CYB5RL: variants seen among roughly 807,000 people sequenced by gnomAD.
CYB5RL encodes the protein cytochrome b5 reductase like, also known as NADH-cytochrome b5 reductase-like.
In CYB5RL, 38 loss-of-function variants were observed where a neutral mutation model predicts 37.5. The observed-to-expected ratio is 1.01, with a 90% CI of 0.78 to 1.33. The LOEUF is 1.33. CYB5RL is among the 40% of genes most tolerant of loss of function. CYB5RL has a pLI of 0.00. For missense variants in CYB5RL, 388 were observed against 394.4 expected, an observed-to-expected ratio of 0.98 and a Z score of 0.14; for synonymous variants, 141 against 151.9, an observed-to-expected ratio of 0.93 and a Z score of 0.53.
chr1:54,176,889 C>T (rs918107692), intron 7 of CYB5RL, among the ~76,000 whole-genome samples: 8 of 152,096 alleles, frequency 5.3e-5, no homozygotes, highest in African/African-American at 1.9e-4. Context: ...GGAAAGCTTC[C>T]AGGATGGACT....
At chr1:54,178,963 G>A (rs1570099875) in intron 7 of CYB5RL, among the ~76,000 whole-genome samples, 186 bp downstream of exon 7, 1 of 152,218 alleles carries the variant, frequency 6.6e-6, no homozygotes, top group South Asian at 2.1e-4. Flanking sequence ...CCCACTGAAT[G>A]TGCATCTCCT....
At position 54,183,889 on chromosome 1, in the gene CYB5RL, C is replaced by A. The variant is rs942891901; in HGVS notation, c.540+272G>T. Among the ~76,000 whole-genome samples the A allele has an allele frequency of 9.8e-4, 149 of 152,178 alleles. 2 individuals are homozygous for A. Among genetic ancestry groups the A allele is most frequent in the South Asian group, 4.2e-4 (2 of 4,818 alleles). ...ACTTGGGAGGCTGAGGCAGGAGAAT[C>A]GCTTGAACCTGGGAGGTGGAGGTTG... On this transcript the variant is annotated intron_variant, in intron 6 of 7. Transcript: ENST00000534324.
intron 1 of CYB5RL, among the ~76,000 whole-genome samples, chr1:54,199,260 C>T (rs1644051512): frequency 6.6e-6 from 1 of 152,232 alleles, no homozygotes; most frequent in African/African-American, 2.4e-5. Flanking sequence ...GTGCCAGGCA[C>T]TGTTCTCAGT....
At chr1:54,188,864 TG>T (rs1479516254) in intron 4 of CYB5RL, among the ~76,000 whole-genome samples, 1 of 152,184 alleles carries the variant, frequency 6.6e-6, no homozygotes, top group African/African-American at 2.4e-5. Context: ...ACCAAAAGCA[TG>T]AGAGGGCTGG....
intron 5 of CYB5RL, chr1:54,185,800 A>G (rs1166415645): frequency 6.6e-6 from 1 of 152,206 alleles, no homozygotes; most frequent in African/African-American, 2.4e-5. Context: ...GTACCCTGAT[A>G]TGGTTTGGCT....
intron 2 of CYB5RL, among the ~76,000 whole-genome samples, chr1:54,196,072 GA>G (rs2100487494): frequency 6.6e-6 from 1 of 152,358 alleles, no homozygotes; most frequent in East Asian, 1.9e-4. Context: ...GCATATGGAA[GA>G]AAGGACATAA....
At chr1:54,182,692 G>C (rs1024950212) in intron 6 of CYB5RL, among the ~76,000 whole-genome samples, 9 of 152,146 alleles carry the variant, frequency 5.9e-5, no homozygotes, top group African/African-American at 1.9e-4. Flanking sequence ...TGGGATTACA[G>C]GTGTGTGCCA....
At chr1:54,186,094 T>G (rs1378725154) in intron 5 of CYB5RL, 1 of 155,106 alleles carries the variant, frequency 6.4e-6, no homozygotes, top group Non-Finnish European at 1.4e-5. Flanking sequence ...AATTGCCCAT[T>G]CTCAGGTATG....
rs529252318 is a variant in CYB5RL, at chr1:54,172,133, C to T, written c.*2486G>A. ...CGAGAACTGCCCCGGACTCTCTACT[C>T]CTTAAGTGGAGACCCCCTTAACACT... On this transcript the variant is annotated 3_prime_UTR_variant, in exon 8 of 8. Coordinates refer to ENST00000534324, the MANE Select transcript of CYB5RL (RefSeq NM_001031672.4). 6.6e-6 allele frequency: 1 copy of T among 152,438 alleles called. No individual in the cohort carries two copies. The highest frequency in any genetic ancestry group is 1.5e-5 in the Non-Finnish European group (1 of 68,268). The allele number at this position is 152,438 out of a possible 1,614,324, so 9.4% of individuals were successfully genotyped here. A position where few individuals can be genotyped will look rare whatever the true frequency, so the allele number is the denominator to read the frequency against.
chr1:54,181,442 A>G (rs760229594), intron 6 of CYB5RL, among the ~76,000 whole-genome samples: 21 of 152,188 alleles, frequency 1.4e-4, no homozygotes, highest in Non-Finnish European at 2.6e-4. Context: ...GAATGCACAG[A>G]CAGATGCTAA....
intron 7 of CYB5RL, among the ~76,000 whole-genome samples, chr1:54,175,859 G>A (rs1469293278): frequency 6.6e-6 from 1 of 152,090 alleles, no homozygotes; most frequent in Non-Finnish European, 1.5e-5. Context: ...TCAAGGACTC[G>A]AGCATCCTCA....
chr1:54,179,622 CT>C (rs1307357562), intron 6 of CYB5RL, among the ~76,000 whole-genome samples: 1 of 152,204 alleles, frequency 6.6e-6, no homozygotes, highest in Non-Finnish European at 1.5e-5. Flanking sequence ...TGGTTGCCTA[CT>C]AAAGCATCCC....
At chr1:54,179,099 A>C in intron 7 of CYB5RL, 50 bp downstream of exon 7, 2 of 1,574,540 alleles carry the variant, frequency 1.3e-6, no homozygotes, top group Non-Finnish European at 1.7e-6. Flanking sequence ...ACAGGTGCAA[A>C]GGGACAGCAG....
rs1412173704 is a variant in CYB5RL at position 54,173,215 on chromosome 1, A to G, written c.*1404T>C. 6.6e-6 allele frequency: 1 copy of G among 152,220 alleles called. No individual in the cohort carries two copies. The highest frequency in any genetic ancestry group is 1.5e-5 in the Non-Finnish European group (1 of 68,044). 9.4% of individuals were successfully genotyped at this position (152,220 alleles called of 1,614,324 possible). On this transcript the variant is annotated 3_prime_UTR_variant, in exon 8 of 8. Coordinates refer to ENST00000534324, the MANE Select transcript of CYB5RL (RefSeq NM_001031672.4). ...ATTTATTAAATGTGACACAGCAGAG[A>G]GATTTGTTGCCATTTTTTTTAGTGG...
rs1330097274 is a variant in CYB5RL at position 54,179,180 on chromosome 1, C to T, written c.713G>A (p.Trp238Ter). 6.2e-7 allele frequency: 1 copy of T among 1,613,444 alleles called. No individual in the cohort carries two copies. Among genetic ancestry groups the T allele is most frequent in the Admixed American group, 1.7e-5 (1 of 59,970 alleles). The change falls in exon 7 of 8, where the codon TGG (tryptophan) becomes TAG (stop). Residue 238 changes from tryptophan (W) to a stop codon, truncating the protein, a stop_gained. Transcript: ENST00000534324. LOFTEE classifies it high-confidence loss of function. ...GAGTACAAAGAAGGTACGGACATTC[C>T]AGAAACGGGCCTGCTCTTGGAGGAA... ...KTFLQEQARF[W>*]NVRTFFVLSQ...
intron 3 of CYB5RL, among the ~76,000 whole-genome samples, chr1:54,193,819 A>T (rs1166256781): frequency 6.6e-6 from 1 of 151,478 alleles, no homozygotes. Context: ...TGCAAAAAAA[A>T]ATTAGCCGGG....
At chr1:54,186,452 T>G (rs979797569) in intron 5 of CYB5RL, among the ~76,000 whole-genome samples, 5 of 152,234 alleles carry the variant, frequency 3.3e-5, no homozygotes, top group Admixed American at 6.5e-5. Context: ...AAGCCCTGCC[T>G]GCCTTCCCAA....
chr1:54,198,342 T>C (rs1644033782), intron 1 of CYB5RL, among the ~76,000 whole-genome samples: 1 of 151,530 alleles, frequency 6.6e-6, no homozygotes, highest in Non-Finnish European at 1.5e-5. Flanking sequence ...TTTCTTTTTT[T>C]TTTTTTTGAG....
chr1:54,177,736 G>A (rs1660055294), intron 7 of CYB5RL, among the ~76,000 whole-genome samples: 1 of 152,180 alleles, frequency 6.6e-6, no homozygotes. Flanking sequence ...TGCTTAGAAT[G>A]GTGCTGGCTA....
Sources: gnomAD v4.1 joint callset for allele counts (sites outside exome capture counted in the v4.1 genomes callset) on GRCh38, gnomAD v4.1.1 for gene constraint, MANE v1.5 for transcripts, NCBI Gene and HGNC (gene_info 2026-07-23, HGNC 2026-07-21) for gene names.